Variants in C1orf21 observed in about 807,000 individuals in gnomAD.
The protein encoded by C1orf21 is chromosome 1 open reading frame 21.
A neutral mutation model predicts 18.7 loss-of-function variants in C1orf21; 3 were observed. The observed-to-expected ratio is 0.16, with a 90% confidence interval of 0.07 to 0.42. C1orf21 has a LOEUF of 0.42. Ranked by LOEUF, C1orf21 falls within the 10% of genes least tolerant of loss-of-function variation. C1orf21 has a pLI of 0.99. For synonymous variants in C1orf21, 41 were observed against 46.4 expected, an observed-to-expected ratio of 0.88 and a Z score of 0.47; for missense variants, 104 against 143.6, an observed-to-expected ratio of 0.72 and a Z score of 1.41.
chr1:184,481,738 T>A (rs905327017), intron 2 of C1orf21, among the ~76,000 whole-genome samples: 1 of 152,160 alleles, frequency 6.6e-6, no homozygotes, highest in Non-Finnish European at 1.5e-5. Context: ...ACATAAATAT[T>A]AGGAAGTTTG....
intron 3 of C1orf21, among the ~76,000 whole-genome samples, chr1:184,554,651 T>C (rs561364116): frequency 6.6e-6 from 1 of 152,346 alleles, no homozygotes; most frequent in African/African-American, 2.4e-5. Flanking sequence ...CATTCATTCA[T>C]TCAGTGAATA....
chr1:184,559,810 G>T (rs569665818), intron 3 of C1orf21, among the ~76,000 whole-genome samples: 1 of 151,978 alleles, frequency 6.6e-6, no homozygotes, highest in Non-Finnish European at 1.5e-5. Flanking sequence ...TAAAGATGAG[G>T]CTTCACCATG....
chr1:184,595,461 A>G (rs993172051), intron 4 of C1orf21, among the ~76,000 whole-genome samples: 1 of 152,206 alleles, frequency 6.6e-6, no homozygotes, highest in African/African-American at 2.4e-5. Flanking sequence ...ACACATATTC[A>G]TGGTGCTGTG....
intron 3 of C1orf21, among the ~76,000 whole-genome samples, chr1:184,558,949 A>T (rs892565804): frequency 6.6e-6 from 1 of 152,234 alleles, no homozygotes; most frequent in Non-Finnish European, 1.5e-5. Flanking sequence ...AGTCAGACTG[A>T]CAAGGTATGA....
At chr1:184,555,548 TACAC>T (rs10560390) in intron 3 of C1orf21, among the ~76,000 whole-genome samples, 74,085 of 151,490 alleles carry the variant, frequency 0.49, 18,097 homozygotes, top group African/African-American at 0.55. Context: ...CACACATACA[TACAC>T]ACACACACAC....
At chr1:184,506,446 A>C (rs999991264) in intron 2 of C1orf21, among the ~76,000 whole-genome samples, 1 of 152,210 alleles carries the variant, frequency 6.6e-6, no homozygotes, top group South Asian at 2.1e-4. Context: ...ATAAGAGTAT[A>C]GTCTTTTTAC....
chr1:184,553,785 G>A (rs1023412343), intron 3 of C1orf21, among the ~76,000 whole-genome samples: 3 of 152,194 alleles, frequency 2.0e-5, no homozygotes, highest in African/African-American at 7.2e-5. Context: ...CAATGGCAGA[G>A]TAGAAGAGAA....
intron 1 of C1orf21, among the ~76,000 whole-genome samples, chr1:184,391,514 A>G (rs1432980524): frequency 1.3e-5 from 2 of 152,170 alleles, no homozygotes; most frequent in African/African-American, 2.4e-5. Context: ...AATGGAATTT[A>G]CCTAATTAGT....
intron 1 of C1orf21, among the ~76,000 whole-genome samples, chr1:184,468,026 G>GAA (rs1177764759): frequency 6.6e-6 from 1 of 151,848 alleles, no homozygotes; most frequent in Non-Finnish European, 1.5e-5. Context: ...GAGAGAGAGA[G>GAA]AAACAGACAG....
chr1:184,574,626 C>CT (rs1470710852), intron 3 of C1orf21, among the ~76,000 whole-genome samples: 1 of 152,110 alleles, frequency 6.6e-6, no homozygotes, highest in African/African-American at 2.4e-5. Context: ...AAGATTTTCA[C>CT]TTAAGTGGAG....
intron 2 of C1orf21, among the ~76,000 whole-genome samples, chr1:184,479,312 G>A (rs944080359): frequency 6.6e-6 from 1 of 152,168 alleles, no homozygotes; most frequent in Non-Finnish European, 1.5e-5. Flanking sequence ...TCAGGGATTT[G>A]TTTAACTTCT....
At position 184,427,202 on chromosome 1, in the gene C1orf21, A is replaced by G. The variant is rs868820832; in HGVS notation, c.-125+39834A>G. Among the ~76,000 whole-genome samples the G allele has an allele frequency of 9.2e-5, 14 of 152,322 alleles. No individual in the cohort carries two copies. The South Asian group carries it at 1.9e-3, about 20-fold the overall frequency. ...ACCAGGGTGTAAAAGTTAACTTGAG[A>G]TGATATTCTTAGTGAATCCTTGTTA... On this transcript the variant is annotated intron_variant, in intron 1 of 5. Transcript: ENST00000235307.
chr1:184,431,974 T>C (rs1571354718), intron 1 of C1orf21, among the ~76,000 whole-genome samples: 1 of 152,212 alleles, frequency 6.6e-6, no homozygotes, highest in East Asian at 1.9e-4. Flanking sequence ...CACGATGAGA[T>C]ACCATCTCAC....
chr1:184,519,296 A>G (rs761918739), intron 3 of C1orf21, among the ~76,000 whole-genome samples: 1 of 152,226 alleles, frequency 6.6e-6, no homozygotes, highest in African/African-American at 2.4e-5. Context: ...GATAGCATCT[A>G]GTTTATCCCC....
chr1:184,498,082 G>T (rs1206440025), intron 2 of C1orf21, among the ~76,000 whole-genome samples: 1 of 151,982 alleles, frequency 6.6e-6, no homozygotes, highest in Non-Finnish European at 1.5e-5. Context: ...TGCTCTTTCC[G>T]ATGTCAATCC....
chr1:184,536,200 C>G (rs2101975335), intron 3 of C1orf21, among the ~76,000 whole-genome samples: 1 of 152,294 alleles, frequency 6.6e-6, no homozygotes. Context: ...TGAGATTTGA[C>G]CCATCTGACC....
chr1:184,589,236 A>G (rs1041218997), intron 3 of C1orf21, among the ~76,000 whole-genome samples: 11 of 152,258 alleles, frequency 7.2e-5, no homozygotes, highest in Non-Finnish European at 1.2e-4. Flanking sequence ...CTAAGACAAC[A>G]TAAGATTTAA....
At chr1:184,436,932 G>T (rs965802643) in intron 1 of C1orf21, among the ~76,000 whole-genome samples, 22 of 152,140 alleles carry the variant, frequency 1.4e-4, no homozygotes, top group African/African-American at 5.3e-4. Flanking sequence ...CAGTGAGATT[G>T]AGCGGCGGGT....
rs186801474 is a variant in C1orf21, at chr1:184,507,499, G to T, written c.95-89G>T. 6.4e-4 allele frequency: 719 copies of T among 1,125,236 alleles called. 7 individuals carry two copies. In the Admixed American group the frequency reaches 0.016, roughly 26 times the overall value. The allele number at this position is 1,125,236 out of a possible 1,614,324, so 69.7% of individuals were successfully genotyped here. On this transcript the variant is annotated intron_variant, in intron 2 of 5. Transcript: ENST00000235307. ...TGAAGGCCACAGGTGAAAGGGTCTA[G>T]CAAATTACACTATTGGGATTTTCTG...
Sources: gnomAD v4.1 joint callset for allele counts (sites outside exome capture counted in the v4.1 genomes callset) on GRCh38, gnomAD v4.1.1 for gene constraint, MANE v1.5 for transcripts, NCBI Gene and HGNC (gene_info 2026-07-23, HGNC 2026-07-21) for gene names.